The following TMEM178B variants were observed in gnomAD, a reference collection of about 807,000 sequenced individuals.
TMEM178B encodes the protein transmembrane protein 178B.
Under a neutral mutation model 31.0 loss-of-function variants are expected in TMEM178B, and 5 were observed. That is an observed-to-expected ratio of 0.16 (90% confidence interval 0.08 to 0.34). The LOEUF is 0.34. Ranked by LOEUF, TMEM178B falls within the 10% of genes least tolerant of loss-of-function variation. The probability of loss-of-function intolerance (pLI) is 1.00; values close to 1 mark genes in which losing one functional copy is unlikely to be tolerated. For synonymous variants in TMEM178B, 164 were observed against 164.0 expected (o/e 1.00, Z 0.00); for missense variants, 275 against 400.3 (o/e 0.69, Z 2.67).
At chr7:141,435,407 T>TAGAAGATGATGGGG (rs1289258533) in intron 2 of TMEM178B, among the ~76,000 whole-genome samples, 26 of 152,322 alleles carry the variant, frequency 1.7e-4, no homozygotes, top group African/African-American at 6.3e-4. Context: ...GAAGCATTGG[T>TAGAAGATGATGGGG]AGTAGAGTAT....
chr7:141,387,422 T>C (rs959302662), intron 2 of TMEM178B, among the ~76,000 whole-genome samples: 5 of 152,170 alleles, frequency 3.3e-5, no homozygotes, highest in African/African-American at 1.2e-4. Flanking sequence ...TTTATTATAG[T>C]CAGAGGAAGA....
intron 1 of TMEM178B, among the ~76,000 whole-genome samples, chr7:141,081,951 C>T (rs1418763714): frequency 6.6e-6 from 1 of 152,226 alleles, no homozygotes; most frequent in African/African-American, 2.4e-5. Flanking sequence ...GTCTTCTCTA[C>T]TGCATTTCGA....
chr7:141,091,204 T>C (rs1308856131), intron 1 of TMEM178B, among the ~76,000 whole-genome samples: 1 of 152,196 alleles, frequency 6.6e-6, no homozygotes, highest in Non-Finnish European at 1.5e-5. Flanking sequence ...AATTCAGTAA[T>C]AACCATTGGG....
chr7:141,272,503 C>CAA (rs1394592858), intron 2 of TMEM178B, among the ~76,000 whole-genome samples: 20 of 152,296 alleles, frequency 1.3e-4, no homozygotes, highest in Admixed American at 2.0e-4. Flanking sequence ...CTACAAATAA[C>CAA]ATTCAGTGTC....
intron 2 of TMEM178B, among the ~76,000 whole-genome samples, chr7:141,216,448 T>TGTGTGTGTGTGTGTGTGTGTGC (rs1415593747): frequency 7.4e-6 from 1 of 135,840 alleles, no homozygotes; most frequent in African/African-American, 2.9e-5. Flanking sequence ...TGTGTGTGTG[T>TGTGTGTGTGTGTGTGTGTGTGC]GCGCGCGCGC....
chr7:141,175,205 T>G (rs1235136269), intron 1 of TMEM178B, among the ~76,000 whole-genome samples: 5 of 152,210 alleles, frequency 3.3e-5, no homozygotes, highest in African/African-American at 9.6e-5. Flanking sequence ...CCAACACCAT[T>G]TATTAAATAG....
At chr7:141,131,606 A>T (rs1378507886) in intron 1 of TMEM178B, among the ~76,000 whole-genome samples, 1 of 152,120 alleles carries the variant, frequency 6.6e-6, no homozygotes, top group Non-Finnish European at 1.5e-5. Context: ...TTTACCTATC[A>T]TAGGGTTTTG....
chr7:141,225,045 A>T (rs1165595988), intron 2 of TMEM178B, among the ~76,000 whole-genome samples: 1 of 152,224 alleles, frequency 6.6e-6, no homozygotes, highest in Admixed American at 6.5e-5. Context: ...GGTGCACCAC[A>T]GTGCCTACCA....
chr7:141,195,230 T>C (rs991535404), intron 1 of TMEM178B, among the ~76,000 whole-genome samples: 1 of 152,212 alleles, frequency 6.6e-6, no homozygotes, highest in Non-Finnish European at 1.5e-5. Flanking sequence ...TTCTTTTCTA[T>C]CGCATAGTTA....
chr7:141,363,259 T>A (rs1326995072), intron 2 of TMEM178B, among the ~76,000 whole-genome samples: 1 of 152,190 alleles, frequency 6.6e-6, no homozygotes, highest in East Asian at 1.9e-4. Flanking sequence ...CAGTTAAGAA[T>A]TCCTTTAGGA....
chr7:141,327,726 G>C (rs1352562625), intron 2 of TMEM178B, among the ~76,000 whole-genome samples: 4 of 152,176 alleles, frequency 2.6e-5, no homozygotes, highest in Admixed American at 2.6e-4. Context: ...TCTTTTGAAT[G>C]AATTAATGTC....
intron 2 of TMEM178B, among the ~76,000 whole-genome samples, chr7:141,317,457 C>G (rs1290053021): frequency 6.6e-6 from 1 of 152,166 alleles, no homozygotes; most frequent in Non-Finnish European, 1.5e-5. Context: ...GCAAGAAGGT[C>G]AGGCTGAGGC....
intron 1 of TMEM178B, among the ~76,000 whole-genome samples, chr7:141,121,388 G>A (rs185891750): frequency 5.9e-5 from 9 of 152,202 alleles, no homozygotes; most frequent in South Asian, 2.1e-4. Flanking sequence ...TGTAAGTTCC[G>A]TTTCCCCTTT....
At chr7:141,490,594 G>C in the TMEM178B span, among the ~76,000 whole-genome samples, 1 of 152,220 alleles carries the variant, frequency 6.6e-6, no homozygotes, top group African/African-American at 2.4e-5. Context: ...TAAGCCAACT[G>C]CTTTGTGGTA....
intron 1 of TMEM178B, among the ~76,000 whole-genome samples, chr7:141,138,259 C>T (rs905164518): frequency 2.6e-5 from 4 of 152,014 alleles, no homozygotes; most frequent in African/African-American, 7.2e-5. Flanking sequence ...GATGGGGTTT[C>T]ACCATGTTAG....
Position 141,477,323 on chromosome 7 carries a change from C to A in TMEM178B, c.*6537C>A, listed in dbSNP as rs868311255. On this transcript the variant is annotated 3_prime_UTR_variant, in exon 4 of 4. Coordinates refer to ENST00000565468, the MANE Select transcript of TMEM178B (RefSeq NM_001195278.2). ...GAGGGAGATTGAGATTAAACAAATG[C>A]AATGATGTAGCCCTTAGTTTTCTGA... 1.9e-5 allele frequency: 3 copies of A among 154,480 alleles called. No individual in the cohort carries two copies. The highest frequency in any genetic ancestry group is 7.2e-5 in the African/African-American group (3 of 41,484). 9.6% of individuals were successfully genotyped at this position (154,480 alleles called of 1,614,324 possible).
chr7:141,260,671 A>C (rs1259832775), intron 2 of TMEM178B, among the ~76,000 whole-genome samples: 1 of 152,184 alleles, frequency 6.6e-6, no homozygotes, highest in Non-Finnish European at 1.5e-5. Context: ...ATCTTCTAGA[A>C]GTTTCTATTT....
intron 2 of TMEM178B, among the ~76,000 whole-genome samples, chr7:141,394,363 AC>A (rs926371212): frequency 6.6e-6 from 1 of 152,196 alleles, no homozygotes; most frequent in Non-Finnish European, 1.5e-5. Context: ...TGGTATGTGA[AC>A]CTAATATCAC....
chr7:141,215,337 A>ATTATTATT (rs55726735), intron 2 of TMEM178B, among the ~76,000 whole-genome samples: 9 of 141,486 alleles, frequency 6.4e-5, no homozygotes, highest in South Asian at 2.2e-4. Context: ...TATTATTATT[A>ATTATTATT]TTTTTTGAGA....
Sources: allele counts gnomAD v4.1 joint callset (sites outside exome capture counted in the v4.1 genomes callset), GRCh38; gene constraint gnomAD v4.1.1; transcripts MANE v1.5; gene names NCBI Gene and HGNC (gene_info 2026-07-23, HGNC 2026-07-21).